The following YJU2 variants were observed in gnomAD, a reference collection of about 807,000 sequenced individuals.
YJU2 encodes the protein splicing factor YJU2.
In YJU2, 28 loss-of-function variants were observed where a neutral mutation model predicts 39.6. The observed-to-expected ratio is 0.71, with a 90% CI of 0.52 to 0.97. The LOEUF is 0.97. Among genes scored for constraint, YJU2 ranks in the 50% least tolerant of loss-of-function variants. The pLI, the probability that YJU2 is intolerant of heterozygous loss-of-function variation, is 0.00. For synonymous variants in YJU2, 184 were observed against 182.4 expected (o/e 1.01, Z -0.07); for missense variants, 328 against 430.4 (o/e 0.76, Z 2.11).
At chr19:4,263,144 CCT>C (rs974098978) in intron 6 of YJU2, among the ~76,000 whole-genome samples, 6 of 152,014 alleles carry the variant, frequency 3.9e-5, no homozygotes, top group Middle Eastern at 3.4e-3. Flanking sequence ...TTCGCCAACC[CCT>C]GTTTAAGCTG....
At chr19:4,256,460 C>G (rs1272986052) in intron 4 of YJU2, among the ~76,000 whole-genome samples, 4 of 152,092 alleles carry the variant, frequency 2.6e-5, no homozygotes, top group Non-Finnish European at 5.9e-5. Context: ...GTGCCTGGGC[C>G]TGTCGCACTG....
intron 6 of YJU2, among the ~76,000 whole-genome samples, chr19:4,263,224 C>CA (rs1468400434): frequency 2.0e-5 from 3 of 152,148 alleles, no homozygotes; most frequent in Non-Finnish European, 4.4e-5. Flanking sequence ...CCTGGGCTGA[C>CA]AGTCTAGGAC....
chr19:4,260,625 T>G (rs1971063426), intron 5 of YJU2, among the ~76,000 whole-genome samples: 1 of 152,116 alleles, frequency 6.6e-6, no homozygotes, highest in African/African-American at 2.4e-5. Flanking sequence ...TAGTCCTAGC[T>G]AACATTTTTA....
At position 4,251,126 on chromosome 19, in the gene YJU2, C is replaced by G. The variant is rs147096068; in HGVS notation, c.225C>G (p.Arg75=). 11 of 1,614,080 alleles carry G rather than the reference C, an allele frequency of 6.8e-6. No homozygotes were observed. In the African/African-American group the frequency reaches 1.3e-4, roughly 20 times the overall value. Residue 75 remains arginine (R), a synonymous_variant, in exon 3 of 8, where the codon CGC becomes CGG. Transcript: ENST00000262962. ...NEVYLGLPIF[R]FYIKCTRCLA... ...TCTACCTGGGCCTGCCCATCTTCCG[C>G]TTTTACATCAAGTGCACGCGCTGCC...
intron 5 of YJU2, among the ~76,000 whole-genome samples, chr19:4,260,535 G>A (rs543194451): frequency 3.9e-4 from 59 of 152,214 alleles, no homozygotes; most frequent in Non-Finnish European, 4.0e-4. Flanking sequence ...TCAGGAGTTC[G>A]AGACCAGCCT....
intron 6 of YJU2, among the ~76,000 whole-genome samples, chr19:4,266,451 G>A (rs929292335): frequency 6.6e-6 from 1 of 152,010 alleles, no homozygotes; most frequent in Non-Finnish European, 1.5e-5. Context: ...CCAAGCACTC[G>A]CTTGGTGAAC....
intron 5 of YJU2, among the ~76,000 whole-genome samples, chr19:4,259,075 T>TG (rs1568362611): frequency 9.0e-6 from 1 of 111,156 alleles, no homozygotes; most frequent in Non-Finnish European, 1.8e-5. Flanking sequence ...ACTTTTCTTT[T>TG]TTTTTTTTTT....
At chr19:4,257,287 A>G (rs1020138279) in intron 4 of YJU2, among the ~76,000 whole-genome samples, 1 of 151,660 alleles carries the variant, frequency 6.6e-6, no homozygotes, top group Non-Finnish European at 1.5e-5. Context: ...GTCTTTTACA[A>G]TTTTTCCTTA....
intron 7 of YJU2, 73 bp downstream of exon 7, chr19:4,267,847 A>T: frequency 7.0e-7 from 1 of 1,423,552 alleles, no homozygotes; most frequent in South Asian, 1.3e-5. Context: ...CTCCCTTTGC[A>T]GTTACAGAGA....
intron 6 of YJU2, 89 bp downstream of exon 6, chr19:4,262,203 T>C: frequency 1.4e-6 from 2 of 1,425,712 alleles, no homozygotes; most frequent in Non-Finnish European, 1.9e-6. Context: ...TTTTGTTTTT[T>C]GTTTTTGTTT....
At position 4,251,074 on chromosome 19, in the gene YJU2, C is replaced by T; in HGVS notation, c.173C>T (p.Ala58Val). The T allele has an allele frequency of 6.2e-6, 10 of 1,614,152 alleles. No individual in the cohort carries two copies. The highest frequency in any genetic ancestry group is 8.5e-6 in the Non-Finnish European group (10 of 1,180,010). The change falls in exon 3 of 8, where the codon GCT becomes GTT. Residue 58 changes from alanine (A) to valine (V), a missense_variant. This residue lies in a region of YJU2 where 84 missense variants were observed against 165.8 expected (regional missense o/e 0.51). Transcript: ENST00000262962. ...ATCTACAAGGGGAAGAAATTCAATGCTCGGAAGGAGACGGTGCAGAACGAG... is the reference window on the plus strand; with the variant it reads ...ATCTACAAGGGGAAGAAATTCAATGTTCGGAAGGAGACGGTGCAGAACGAG... ...EYIYKGKKFNARKETVQNEVY... is the reference protein window; with the variant it reads ...EYIYKGKKFNVRKETVQNEVY...
chr19:4,249,091 G>C, intron 1 of YJU2, 137 bp from the exon 2 acceptor site: 1 of 614,070 alleles, frequency 1.6e-6, no homozygotes, highest in South Asian at 1.9e-5. Context: ...TGAGTCCTGC[G>C]AGTCCTCCCT....
At chr19:4,258,450 C>T in intron 5 of YJU2, 27 bp downstream of exon 5, 1 of 1,557,778 alleles carries the variant, frequency 6.4e-7, no homozygotes, top group Non-Finnish European at 8.7e-7. Context: ...CCAACCCAGC[C>T]CCACCTCGCA....
Position 4,251,483 on chromosome 19 carries a change from G to A in YJU2, c.270+312G>A, listed in dbSNP as rs186083865. Among the ~76,000 whole-genome samples, 276 of 152,264 alleles carry A rather than the reference G, an allele frequency of 1.8e-3. 1 individual carries two copies. The highest frequency in any genetic ancestry group is 2.5e-3 in the Non-Finnish European group (172 of 68,006). On this transcript the variant is annotated intron_variant, in intron 3 of 7. Coordinates refer to ENST00000262962, the MANE Select transcript of YJU2 (RefSeq NM_018074.6). ...GCGGGCAGATCACCTGAGGTCAGAA[G>A]TTCAAGACCACCCTAGCCAACATGG...
chr19:4,248,371 G>A (rs1970948433), intron 1 of YJU2: 1 of 152,208 alleles, frequency 6.6e-6, no homozygotes, highest in Admixed American at 6.5e-5. Context: ...TTGCCTCAAG[G>A]AATGCGTGCA....
chr19:4,267,550 A>C (rs1971124816), intron 6 of YJU2, 74 bp from the exon 7 acceptor site: 2 of 1,494,602 alleles, frequency 1.3e-6, no homozygotes, highest in African/African-American at 2.7e-5. Flanking sequence ...GGCAGTGAGC[A>C]GGGGTTGTGG....
chr19:4,267,499 G>T, intron 6 of YJU2, 125 bp from the exon 7 acceptor site: 1 of 1,000,704 alleles, frequency 1.0e-6, no homozygotes, highest in Admixed American at 2.5e-5. Flanking sequence ...TTAGAGCAGA[G>T]GAGGAATGTG....
chr19:4,262,620 ATT>A (rs1971081186), intron 6 of YJU2, among the ~76,000 whole-genome samples: 1 of 151,598 alleles, frequency 6.6e-6, no homozygotes, highest in Non-Finnish European at 1.5e-5. Flanking sequence ...ATAAATCTTT[ATT>A]TATAGGCGGG....
chr19:4,255,235 ATAAAT>A (rs1971010271), intron 4 of YJU2, among the ~76,000 whole-genome samples: 1 of 151,904 alleles, frequency 6.6e-6, no homozygotes, highest in African/African-American at 2.4e-5. Context: ...AAAAAAATAA[ATAAAT>A]AAAAGAAATT....
Sources: allele counts gnomAD v4.1 joint callset (sites outside exome capture counted in the v4.1 genomes callset), GRCh38; gene constraint gnomAD v4.1.1; regional missense constraint gnomAD v4.1.1; transcripts MANE v1.5; gene names NCBI Gene and HGNC (gene_info 2026-07-23, HGNC 2026-07-21).